Variants in RFX4 observed in about 807,000 individuals in gnomAD.
RFX4 encodes the protein regulatory factor X4, also known as transcription factor RFX4.
Under a neutral mutation model 95.0 loss-of-function variants are expected in RFX4, and 10 were observed. The ratio of observed to expected loss-of-function variants is 0.11; its 90% CI spans 0.06 to 0.18. RFX4 has a LOEUF of 0.18. Ranked by LOEUF, RFX4 falls within the 10% of genes least tolerant of loss-of-function variation. The pLI is 1.00. For synonymous variants in RFX4, 321 were observed against 340.7 expected (o/e 0.94, Z 0.64); for missense variants, 640 against 922.0 (o/e 0.69, Z 3.96).
intron 13 of RFX4, among the ~76,000 whole-genome samples, chr12:106,722,182 C>A (rs144108420): frequency 6.6e-6 from 1 of 152,278 alleles, no homozygotes; most frequent in Admixed American, 6.5e-5. Context: ...CTGGAAAAAT[C>A]ATTCATGCAG....
intron 1 of RFX4, among the ~76,000 whole-genome samples, chr12:106,598,518 T>C (rs2039652225): frequency 6.6e-6 from 1 of 152,306 alleles, no homozygotes; most frequent in East Asian, 1.9e-4. Flanking sequence ...GGTGGGATTG[T>C]GGGAAAATAT....
chr12:106,694,136 A>C (rs1411288985), intron 7 of RFX4, among the ~76,000 whole-genome samples: 2 of 152,238 alleles, frequency 1.3e-5, no homozygotes, highest in Non-Finnish European at 2.9e-5. Context: ...GGGAATAAAC[A>C]GGACTCTAAC....
chr12:106,732,043 A>G, intron 13 of RFX4, 87 bp from the exon 14 acceptor site: 28 of 1,548,982 alleles, frequency 1.8e-5, no homozygotes, highest in Non-Finnish European at 2.2e-5. Flanking sequence ...CATTTAGAAC[A>G]CTGTGTAACT....
In RFX4 at chr12:106,737,162, G is replaced by GTTT. The variant is rs556116618; in HGVS notation, c.1633+4115_1633+4117dup. Among the ~76,000 whole-genome samples the GTTT allele has an allele frequency of 4.4e-4, 24 of 54,926 alleles. 4 individuals carry two copies. Among genetic ancestry groups the GTTT allele is most frequent in the East Asian group, 1.1e-3 (2 of 1,772 alleles). 36.0% of individuals were successfully genotyped at this position (54,926 alleles called of 152,430 possible). A position where few individuals can be genotyped will look rare whatever the true frequency, so the allele number is the denominator to read the frequency against. On this transcript the variant is annotated intron_variant, in intron 15 of 17. Coordinates refer to ENST00000392842, the MANE Select transcript of RFX4 (RefSeq NM_213594.3). The stretch of plus-strand genomic sequence containing the variant: ...TTTCCAGAATAGACTCGGAACTAAA[G>GTTT]TTTTTTTTTTTTTTTTTTTTTTTTT...
At chr12:106,632,033 T>C (rs2040425734) in intron 2 of RFX4, among the ~76,000 whole-genome samples, 1 of 152,210 alleles carries the variant, frequency 6.6e-6, no homozygotes. Context: ...ATCCCTATTT[T>C]ACAGATAATG....
intron 17 of RFX4, among the ~76,000 whole-genome samples, chr12:106,755,521 C>T (rs1477154190): frequency 1.3e-5 from 2 of 152,204 alleles, no homozygotes; most frequent in Non-Finnish European, 2.9e-5. Context: ...AATGCTAAAC[C>T]AGTGGTACTT....
chr12:106,685,211 TTTC>T (rs2041618554), intron 5 of RFX4, among the ~76,000 whole-genome samples: 2 of 151,980 alleles, frequency 1.3e-5, no homozygotes, highest in South Asian at 2.1e-4. Flanking sequence ...AATGGTTTTT[TTTC>T]TTCTTCTTCT....
At chr12:106,743,190 G>A (rs1302506690) in intron 15 of RFX4, among the ~76,000 whole-genome samples, 3 of 152,114 alleles carry the variant, frequency 2.0e-5, no homozygotes, top group Admixed American at 2.0e-4. Context: ...GGGGAGGGGG[G>A]AATAAGAGAA....
chr12:106,703,755 G>A (rs1565986757), intron 8 of RFX4, among the ~76,000 whole-genome samples: 1 of 152,084 alleles, frequency 6.6e-6, no homozygotes, highest in Non-Finnish European at 1.5e-5. Flanking sequence ...TTACAGATGT[G>A]GAGGTTAAAG....
chr12:106,658,909 C>A (rs1378382140), intron 4 of RFX4, among the ~76,000 whole-genome samples: 1 of 152,194 alleles, frequency 6.6e-6, no homozygotes, highest in Non-Finnish European at 1.5e-5. Flanking sequence ...TCACTGCACA[C>A]CGAGTGTTAC....
intron 3 of RFX4, among the ~76,000 whole-genome samples, chr12:106,650,657 G>A (rs1202779064): frequency 1.3e-5 from 2 of 152,132 alleles, no homozygotes; most frequent in Non-Finnish European, 2.9e-5. Flanking sequence ...GAACCGGGGA[G>A]GCGGAGGTTG....
At chr12:106,639,571 A>C (rs1230255725) in intron 3 of RFX4, among the ~76,000 whole-genome samples, 179 bp downstream of exon 3, 1 of 152,192 alleles carries the variant, frequency 6.6e-6, no homozygotes, top group Non-Finnish European at 1.5e-5. Flanking sequence ...TCTAGCCTGG[A>C]GATTGGAATT....
At chr12:106,688,014 AG>A (rs1274639902) in intron 6 of RFX4, among the ~76,000 whole-genome samples, 1 of 151,678 alleles carries the variant, frequency 6.6e-6, no homozygotes, top group Admixed American at 6.6e-5. Flanking sequence ...ATTTGGAGCA[AG>A]TTACTGGAAA....
In RFX4 at chr12:106,761,538, A is replaced by G. The variant is rs1398315631; in HGVS notation, c.*69A>G. 2.6e-6 allele frequency: 3 copies of G among 1,146,808 alleles called. No individual in the cohort carries two copies. Among genetic ancestry groups the G allele is most frequent in the Non-Finnish European group, 3.3e-6 (3 of 901,950 alleles). The allele number at this position is 1,146,808 out of a possible 1,614,324, so 71.0% of individuals were successfully genotyped here. ...AATAATAATAATAAACCCAACACCCATCCCCCAGAAGACTTTATCTCTATA... is the reference window on the plus strand; with the variant it reads ...AATAATAATAATAAACCCAACACCCGTCCCCCAGAAGACTTTATCTCTATA... On this transcript the variant is annotated 3_prime_UTR_variant, in exon 18 of 18. Coordinates refer to ENST00000392842, the MANE Select transcript of RFX4 (RefSeq NM_213594.3).
At chr12:106,700,649 G>A (rs936068125) in intron 8 of RFX4, among the ~76,000 whole-genome samples, 3 of 149,950 alleles carry the variant, frequency 2.0e-5, no homozygotes, top group Non-Finnish European at 3.0e-5. Flanking sequence ...CTCGTGATCC[G>A]CCCGCCTCGG....
At chr12:106,622,948 G>A (rs2040214621) in intron 2 of RFX4, among the ~76,000 whole-genome samples, 1 of 151,458 alleles carries the variant, frequency 6.6e-6, no homozygotes, top group African/African-American at 2.4e-5. Context: ...CCTAGCAGGT[G>A]TCAAGAGTCT....
At chr12:106,668,777 C>A (rs1592917724) in intron 4 of RFX4, among the ~76,000 whole-genome samples, 2 of 152,132 alleles carry the variant, frequency 1.3e-5, no homozygotes, top group African/African-American at 4.8e-5. Context: ...ATAGGTTATT[C>A]TCTCAAATTA....
Position 106,732,224 on chromosome 12 carries a change from A to T in RFX4, c.1446A>T (p.Arg482=). 1 of 1,614,056 alleles carries T rather than the reference A, an allele frequency of 6.2e-7. No individual in the cohort carries two copies. Among genetic ancestry groups the T allele is most frequent in the Non-Finnish European group, 8.5e-7 (1 of 1,179,930 alleles). Residue 482 remains arginine (R), a synonymous_variant, in exon 14 of 18, where the codon CGA becomes CGT. Transcript: ENST00000392842. ...AGGAGCGGGCCAATGAGCTCATGCGAGCCATGAAGGGAGAAGGAAGCACTG... is the reference window on the plus strand; with the variant it reads ...AGGAGCGGGCCAATGAGCTCATGCGTGCCATGAAGGGAGAAGGAAGCACTG... ...HCQERANELM[R]AMKGEGSTAE... is the part of the protein sequence containing the mutation.
intron 6 of RFX4, 66 bp downstream of exon 6, chr12:106,687,163 C>T: frequency 9.9e-7 from 1 of 1,011,304 alleles, no homozygotes; most frequent in Non-Finnish European, 1.5e-6. Context: ...CTCTCTCTGT[C>T]TCTATCTCTC....
Sources: allele counts gnomAD v4.1 joint callset (sites outside exome capture counted in the v4.1 genomes callset), GRCh38; gene constraint gnomAD v4.1.1; transcripts MANE v1.5; gene names NCBI Gene and HGNC (gene_info 2026-07-23, HGNC 2026-07-21).